Variants in PPP1R12B observed in about 807,000 individuals in gnomAD.
The protein encoded by PPP1R12B is protein phosphatase 1 regulatory subunit 12B.
PPP1R12B carries 76 observed loss-of-function variants against 126.1 expected under a neutral mutation model. The observed-to-expected ratio is 0.60, with a 90% confidence interval of 0.50 to 0.73. The LOEUF is 0.73. Ranked by LOEUF, PPP1R12B falls within the 30% of genes least tolerant of loss-of-function variation. The pLI is 0.00. For missense variants in PPP1R12B, 1,052 were observed against 1,205.1 expected (o/e 0.87, Z 1.88); for synonymous variants, 356 against 434.7 (o/e 0.82, Z 2.25).
intron 18 of PPP1R12B, among the ~76,000 whole-genome samples, chr1:202,499,220 A>T (rs1383958665): frequency 6.6e-6 from 1 of 152,168 alleles, no homozygotes; most frequent in Non-Finnish European, 1.5e-5. Flanking sequence ...CAGGACAGAG[A>T]ATTGAATGGA....
chr1:202,574,259 C>T (rs1330824888), intron 23 of PPP1R12B, among the ~76,000 whole-genome samples: 1 of 151,934 alleles, frequency 6.6e-6, no homozygotes, highest in South Asian at 2.1e-4. Context: ...CCTGTAATCC[C>T]AGCACTTTGG....
chr1:202,410,904 C>G (rs1667296048), intron 1 of PPP1R12B, among the ~76,000 whole-genome samples: 1 of 152,164 alleles, frequency 6.6e-6, no homozygotes, highest in African/African-American at 2.4e-5. Context: ...TGGACTTAAA[C>G]TGCATCAGAA....
At chr1:202,523,895 A>G (rs1683051752) in intron 18 of PPP1R12B, among the ~76,000 whole-genome samples, 1 of 151,966 alleles carries the variant, frequency 6.6e-6, no homozygotes, top group African/African-American at 2.4e-5. Context: ...TTGTATTTTT[A>G]GTAGAGATGG....
At chr1:202,368,943 G>A (rs1659757048) in intron 1 of PPP1R12B, among the ~76,000 whole-genome samples, 1 of 152,048 alleles carries the variant, frequency 6.6e-6, no homozygotes, top group Non-Finnish European at 1.5e-5. Context: ...GGTCCAACTT[G>A]TGGCCTCAAG....
intron 21 of PPP1R12B, chr1:202,567,518 G>T: frequency 4.3e-6 from 2 of 460,384 alleles, no homozygotes; most frequent in Non-Finnish European, 7.8e-6. Context: ...ATTGTGTGTT[G>T]TAAGTAATTT....
chr1:202,451,377 C>T (rs560550202), intron 13 of PPP1R12B, among the ~76,000 whole-genome samples: 9 of 147,780 alleles, frequency 6.1e-5, no homozygotes, highest in African/African-American at 7.5e-5. Flanking sequence ...TGACTCTTAA[C>T]GAGCATGCTG....
rs544064049 is a variant in PPP1R12B, at chr1:202,530,271, A to G, written c.2491-28606A>G. Among the ~76,000 whole-genome samples the G allele has an allele frequency of 3.9e-3, 591 of 152,220 alleles. 1 individual carries two copies. The highest frequency in any genetic ancestry group is 0.014 in the African/African-American group (565 of 41,526). On this transcript the variant is annotated intron_variant, in intron 18 of 23. Transcript: ENST00000608999. ...GAAATGCCAGTAGCACCCTCCAATCATTGTGACAATCAGTGTCCCCACATA... is the reference window on the plus strand; with the variant it reads ...GAAATGCCAGTAGCACCCTCCAATCGTTGTGACAATCAGTGTCCCCACATA...
intron 19 of PPP1R12B, among the ~76,000 whole-genome samples, chr1:202,560,022 G>A (rs540538199): frequency 2.0e-5 from 3 of 152,208 alleles, no homozygotes; most frequent in East Asian, 1.9e-4. Flanking sequence ...AAAATCACAT[G>A]TATAAGGTGA....
chr1:202,349,114 A>T lies in PPP1R12B; in HGVS notation c.263A>T (p.Asn88Ile). ...AGAGGTGCTGATATCAACACGGTCA[A>T]CGTGGACGGCTTGACAGCCCTGCAC... ...LARGADINTV[N>I]VDGLTALHQA... The change falls in exon 1 of 24, where the codon AAC becomes ATC. Residue 88 changes from asparagine to isoleucine, a missense_variant. Coordinates refer to ENST00000608999, the MANE Select transcript of PPP1R12B (RefSeq NM_002481.4). The T allele has an allele frequency of 6.2e-7, 1 of 1,614,074 alleles. No individual in the cohort carries two copies. The highest frequency in any genetic ancestry group is 8.5e-7 in the Non-Finnish European group (1 of 1,180,040).
intron 18 of PPP1R12B, among the ~76,000 whole-genome samples, chr1:202,536,459 C>T (rs761545744): frequency 2.6e-5 from 4 of 152,044 alleles, no homozygotes; most frequent in Non-Finnish European, 4.4e-5. Flanking sequence ...GGGCATTTAC[C>T]GTGAATGAAT....
chr1:202,510,817 T>C (rs547515827), intron 18 of PPP1R12B, among the ~76,000 whole-genome samples: 12 of 149,794 alleles, frequency 8.0e-5, no homozygotes, highest in African/African-American at 2.9e-4. Flanking sequence ...ATTTTTGATA[T>C]GTATTATAGA....
chr1:202,383,690 C>T (rs1364565531), intron 1 of PPP1R12B, among the ~76,000 whole-genome samples: 1 of 152,036 alleles, frequency 6.6e-6, no homozygotes, highest in Non-Finnish European at 1.5e-5. Context: ...CACCCTTGCA[C>T]TCCAGCCTGG....
At chr1:202,457,995 CAAAATT>C (rs1280529522) in intron 13 of PPP1R12B, among the ~76,000 whole-genome samples, 8 of 151,646 alleles carry the variant, frequency 5.3e-5, no homozygotes, top group African/African-American at 1.9e-4. Flanking sequence ...ATGGATTAAA[CAAAATT>C]AAATAGGATC....
chr1:202,357,537 A>G (rs902987744), intron 1 of PPP1R12B, among the ~76,000 whole-genome samples: 5 of 152,230 alleles, frequency 3.3e-5, no homozygotes, highest in African/African-American at 1.2e-4. Flanking sequence ...AAGACACTTT[A>G]AAAGCTGAAT....
At chr1:202,521,479 A>G (rs1682781429) in intron 18 of PPP1R12B, among the ~76,000 whole-genome samples, 1 of 152,230 alleles carries the variant, frequency 6.6e-6, no homozygotes, top group Non-Finnish European at 1.5e-5. Flanking sequence ...TAGATTTTAC[A>G]GAATGAAGAA....
chr1:202,425,593 A>G lies in PPP1R12B; in HGVS notation c.569A>G (p.Glu190Gly). 1.2e-6 allele frequency: 2 copies of G among 1,613,972 alleles called. No homozygotes were observed. Among genetic ancestry groups the G allele is most frequent in the South Asian group, 1.1e-5 (1 of 91,080 alleles). ...GTTGATCTAGAGCAGTCAAGAAAAG[A>G]AGAAGAGCAGCAGATGTTGCAGGAT... The part of the protein sequence containing the change: ...QGVDLEQSRK[E>G]EEQQMLQDAR... Residue 190 changes from glutamate (E) to glycine (G), a missense_variant, in exon 4 of 24, where the codon GAA (glutamate) becomes GGA (glycine). By Grantham distance (98) the Glu-to-Gly change is moderately conservative (BLOSUM62 -2). Transcript: ENST00000608999.
At chr1:202,536,294 T>C (rs1165262245) in intron 18 of PPP1R12B, among the ~76,000 whole-genome samples, 6 of 152,228 alleles carry the variant, frequency 3.9e-5, no homozygotes, top group Non-Finnish European at 8.8e-5. Context: ...CTATATGGTA[T>C]AGCCTATTGC....
chr1:202,414,868 G>A (rs1288180612), intron 1 of PPP1R12B, among the ~76,000 whole-genome samples: 4 of 151,932 alleles, frequency 2.6e-5, no homozygotes, highest in South Asian at 2.1e-4. Context: ...CTGCAGCCTC[G>A]ACCTCCCAGG....
intron 18 of PPP1R12B, among the ~76,000 whole-genome samples, chr1:202,531,727 C>G (rs1441293541): frequency 6.6e-6 from 1 of 152,106 alleles, no homozygotes; most frequent in African/African-American, 2.4e-5. Context: ...ATTGTATCTA[C>G]TCAGAAGTTT....
Sources: gnomAD v4.1 joint callset for allele counts (sites outside exome capture counted in the v4.1 genomes callset) on GRCh38, gnomAD v4.1.1 for gene constraint, MANE v1.5 for transcripts, NCBI Gene and HGNC (gene_info 2026-07-23, HGNC 2026-07-21) for gene names.